ATP5PF: variants seen among roughly 807,000 people sequenced by gnomAD.
ATP5PF encodes the protein ATP synthase peripheral stalk subunit F6.
In ATP5PF, 7 loss-of-function variants were observed where a neutral mutation model predicts 12.0. That is an observed-to-expected ratio of 0.58 (90% CI 0.33 to 1.10). The LOEUF is 1.10. Among genes scored for constraint, ATP5PF ranks in the 50% least tolerant of loss-of-function variants. The pLI, the probability that ATP5PF is intolerant of heterozygous loss-of-function variation, is 0.03. For synonymous variants in ATP5PF, 41 were observed against 45.4 expected, an observed-to-expected ratio of 0.90 and a Z score of 0.39; for missense variants, 120 against 127.7, an observed-to-expected ratio of 0.94 and a Z score of 0.29.
chr21:25,727,238 A>G (rs963706903), intron 2 of ATP5PF, among the ~76,000 whole-genome samples: 1 of 152,216 alleles, frequency 6.6e-6, no homozygotes, highest in Non-Finnish European at 1.5e-5. Flanking sequence ...CAGATGGATG[A>G]TGGCTATTTT....
chr21:25,729,767 A>C lies in ATP5PF; in HGVS notation c.28T>G (p.Ser10Ala), dbSNP rs776045850. 6.2e-7 allele frequency: 1 copy of C among 1,613,974 alleles called. No individual in the cohort carries two copies. The highest frequency in any genetic ancestry group is 1.1e-5 in the South Asian group (1 of 91,068). ...GAGACGGCTGACCGAATGACAGAGG[A>C]GAACCTGAAGAGCCTCTGAAGAATC... Reference protein sequence around the residue: MILQRLFRFSSVIRSAVSVH... With the variant: MILQRLFRFASVIRSAVSVH... Residue 10 changes from serine to alanine, a missense_variant, in exon 2 of 4, where the codon TCC becomes GCC. Coordinates refer to ENST00000284971, the MANE Select transcript of ATP5PF (RefSeq NM_001003703.2).
intron 2 of ATP5PF, among the ~76,000 whole-genome samples, chr21:25,726,573 C>T (rs1314012682): frequency 6.6e-6 from 1 of 152,158 alleles, no homozygotes; most frequent in East Asian, 1.9e-4. Context: ...GATGGAAAAA[C>T]CAGCAGACCC....
rs1229707912 is a variant in ATP5PF, at chr21:25,724,690, G to A, written c.290-13C>T. Reference sequence around the variant, plus strand: ...TCAAATTTGGGATCTAAGAAGAGGGGGAAAAAAGGGTCAAGCTTAGCCAAA... The same window carrying A: ...TCAAATTTGGGATCTAAGAAGAGGGAGAAAAAAGGGTCAAGCTTAGCCAAA... On this transcript the variant is annotated splice_polypyrimidine_tract_variant and intron_variant, in intron 3 of 3. Transcript: ENST00000284971. 3 of 1,588,968 alleles carry A rather than the reference G, an allele frequency of 1.9e-6. No individual in the cohort carries two copies. The highest frequency in any genetic ancestry group is 2.6e-6 in the Non-Finnish European group (3 of 1,173,130).
intron 1 of ATP5PF, among the ~76,000 whole-genome samples, chr21:25,732,862 A>T (rs1360327007): frequency 1.3e-5 from 2 of 151,754 alleles, no homozygotes; most frequent in Non-Finnish European, 2.9e-5. Context: ...ACATGCCTGT[A>T]ATCCCAGCTA....
At chr21:25,724,982 T>G (rs1168719159) in intron 3 of ATP5PF, 2 of 601,710 alleles carry the variant, frequency 3.3e-6, no homozygotes, top group East Asian at 6.0e-5. Context: ...TGAAAGTGAT[T>G]ATAAGGATTC....
upstream of ATP5PF, chr21:25,735,068 A>C (rs1424597087): frequency 1.8e-6 from 2 of 1,107,898 alleles, no homozygotes; most frequent in African/African-American, 3.1e-5. Flanking sequence ...GAGGAAGTGG[A>C]GGGTAAGTGC....
intron 2 of ATP5PF, 120 bp downstream of exon 2, chr21:25,729,511 T>C (rs940286869): frequency 1.2e-5 from 11 of 883,958 alleles, no homozygotes; most frequent in African/African-American, 1.7e-5. Flanking sequence ...TGAACCTCTA[T>C]GTCAGAGATG....
intron 1 of ATP5PF, among the ~76,000 whole-genome samples, chr21:25,730,391 T>C (rs73338262): frequency 0.043 from 6,511 of 152,106 alleles, 498 homozygotes; most frequent in African/African-American, 0.15. Context: ...CAGTCCAACT[T>C]TATCAGTGAA....
At chr21:25,735,230 G>C, upstream of ATP5PF, 7 of 581,394 alleles carry the variant, frequency 1.2e-5, no homozygotes, top group Non-Finnish European at 1.9e-5. Flanking sequence ...CGTCCTGTTC[G>C]TTAGGGTTAT....
At chr21:25,728,932 C>CAAA (rs974042425) in intron 2 of ATP5PF, among the ~76,000 whole-genome samples, 27 of 152,338 alleles carry the variant, frequency 1.8e-4, no homozygotes, top group African/African-American at 5.8e-4. Context: ...AAGTGCTTTA[C>CAAA]ACACAGTAGA....
chr21:25,724,760 C>A, intron 3 of ATP5PF, 83 bp from the exon 4 acceptor site: 3 of 1,400,036 alleles, frequency 2.1e-6, no homozygotes, highest in Non-Finnish European at 2.9e-6. Flanking sequence ...TTTAACTCAT[C>A]AATTTTCTGA....
Position 25,726,639 on chromosome 21 carries a change from G to C in ATP5PF, c.165-1289C>G, listed in dbSNP as rs75634533. On this transcript the variant is annotated intron_variant, in intron 2 of 3. Coordinates refer to ENST00000284971, the MANE Select transcript of ATP5PF (RefSeq NM_001003703.2). ...TGGGAGTTTGTATTTTATTTGCCAA[G>C]CAATAAAATGACAAAATTAGACTTG... Among the ~76,000 whole-genome samples, 535 of 152,256 alleles carry C rather than the reference G, an allele frequency of 3.5e-3. 3 individuals carry two copies. Among genetic ancestry groups the C allele is most frequent in the African/African-American group, 0.013 (520 of 41,558 alleles).
At position 25,725,588 on chromosome 21, in the gene ATP5PF, C is replaced by T. The variant is rs113432694; in HGVS notation, c.165-238G>A. On this transcript the variant is annotated intron_variant, in intron 2 of 3. Coordinates refer to ENST00000284971, the MANE Select transcript of ATP5PF (RefSeq NM_001003703.2). ...CCAAGTAACTGGGATTACAGGCACA[C>T]GCCACCATGCCCAGCTAATTTTTGT... Among the ~76,000 whole-genome samples, 1,442 of 152,138 alleles carry T rather than the reference C, an allele frequency of 9.5e-3. 25 individuals carry two copies. The highest frequency in any genetic ancestry group is 0.033 in the African/African-American group (1,377 of 41,514).
intron 2 of ATP5PF, among the ~76,000 whole-genome samples, chr21:25,727,670 G>T (rs2034653119): frequency 2.0e-5 from 3 of 152,084 alleles, no homozygotes; most frequent in Non-Finnish European, 4.4e-5. Context: ...GTACACCTAA[G>T]AATTCACTTC....
In ATP5PF at chr21:25,724,712, C is replaced by G. The variant is rs767064900; in HGVS notation, c.290-35G>C. On this transcript the variant is annotated intron_variant, in intron 3 of 3. Transcript: ENST00000284971. ...GGGGGAAAAAAGGGTCAAGCTTAGC[C>G]AAATTGCAATAAAATGGATTATGTA... 4 of 1,580,062 alleles carry G rather than the reference C, an allele frequency of 2.5e-6. No homozygotes were observed. In the South Asian group the frequency reaches 4.7e-5, roughly 19 times the overall value.
At chr21:25,731,818 C>T (rs2034787140) in intron 1 of ATP5PF, among the ~76,000 whole-genome samples, 2 of 152,118 alleles carry the variant, frequency 1.3e-5, no homozygotes, top group Non-Finnish European at 2.9e-5. Context: ...GGCGAGGTGG[C>T]TCATGCCTGT....
At chr21:25,732,122 G>A (rs1026311072) in intron 1 of ATP5PF, among the ~76,000 whole-genome samples, 4 of 152,152 alleles carry the variant, frequency 2.6e-5, no homozygotes, top group African/African-American at 4.8e-5. Context: ...GGGGGTGGGG[G>A]AAGAAGTGAG....
chr21:25,725,729 A>G (rs947093053), intron 2 of ATP5PF, among the ~76,000 whole-genome samples: 33 of 152,320 alleles, frequency 2.2e-4, no homozygotes, highest in Middle Eastern at 3.4e-3. Context: ...GTGAGCCACC[A>G]CACCCGGCCA....
chr21:25,734,171 T>A, intron 1 of ATP5PF, among the ~76,000 whole-genome samples: 1 of 152,278 alleles, frequency 6.6e-6, no homozygotes, highest in Middle Eastern at 3.4e-3. Context: ...AAATACCACC[T>A]GACATAAATT....
Sources: gnomAD v4.1 joint callset for allele counts (sites outside exome capture counted in the v4.1 genomes callset) on GRCh38, gnomAD v4.1.1 for gene constraint, MANE v1.5 for transcripts, NCBI Gene and HGNC (gene_info 2026-07-23, HGNC 2026-07-21) for gene names.